The following GNAL variants were observed in gnomAD, a reference collection of about 807,000 sequenced individuals.
GNAL encodes G protein subunit alpha L.
Under a neutral mutation model 55.1 loss-of-function variants are expected in GNAL, and 18 were observed. That is an observed-to-expected ratio of 0.33 (90% CI 0.23 to 0.48). The LOEUF (loss-of-function observed/expected upper bound fraction) is 0.48, where lower values mean the gene tolerates loss of function less well. Among genes scored for constraint, GNAL ranks in the 20% least tolerant of loss-of-function variants. GNAL has a pLI of 0.99. For synonymous variants in GNAL, 253 were observed against 237.0 expected (o/e 1.07, Z -0.62); for missense variants, 412 against 614.1 (o/e 0.67, Z 3.48).
rs1464328514 is a variant in GNAL at position 11,884,112 on chromosome 18, G to A, written c.*2977G>A. ...CACATAATCCCAAGTGTGTGCTGGG[G>A]CCACCAGGCCCTTCCTGGGGGAACA... is the stretch of plus-strand genomic sequence containing the variant. On this transcript the variant is annotated 3_prime_UTR_variant, in exon 12 of 12. Transcript: ENST00000334049. 1 of 242,808 alleles carries A rather than the reference G, an allele frequency of 4.1e-6. No homozygotes were observed. Among genetic ancestry groups the A allele is most frequent in the Non-Finnish European group, 8.2e-6 (1 of 122,610 alleles). 15.0% of individuals were successfully genotyped at this position (242,808 alleles called of 1,614,324 possible). A position where few individuals can be genotyped will look rare whatever the true frequency, so the allele number is the denominator to read the frequency against.
chr18:11,690,380 C>T (rs138982888), intron 1 of GNAL, among the ~76,000 whole-genome samples: 96 of 152,182 alleles, frequency 6.3e-4, no homozygotes, highest in Non-Finnish European at 1.0e-3. Flanking sequence ...TTAGCTTGAC[C>T]GCAAAGCTTT....
At chr18:11,875,956 A>AGG (rs1039386142) in intron 10 of GNAL, among the ~76,000 whole-genome samples, 3 of 151,066 alleles carry the variant, frequency 2.0e-5, no homozygotes, top group Admixed American at 1.3e-4. Context: ...GGAGAGGGTG[A>AGG]GGGGTCTCTC....
intron 1 of GNAL, among the ~76,000 whole-genome samples, chr18:11,709,051 T>C (rs1455866832): frequency 6.6e-6 from 1 of 152,246 alleles, no homozygotes; most frequent in African/African-American, 2.4e-5. Flanking sequence ...CACCATTTGT[T>C]GCAGAAACTA....
intron 4 of GNAL, among the ~76,000 whole-genome samples, chr18:11,771,736 A>T (rs2033641277): frequency 6.8e-6 from 1 of 147,952 alleles, no homozygotes; most frequent in African/African-American, 2.5e-5. Context: ...TTGTTTTGAG[A>T]TGGAGTCGCA....
intron 5 of GNAL, among the ~76,000 whole-genome samples, chr18:11,830,994 A>G (rs1467154182): frequency 6.6e-6 from 1 of 152,196 alleles, no homozygotes; most frequent in Admixed American, 6.5e-5. Context: ...CTTAAGAGTG[A>G]CTGCTAATGG....
In GNAL at chr18:11,774,857, C is replaced by T. The variant is rs1788562561; in HGVS notation, c.624+20912C>T. ...TGATTTTTGTTTGCAGAGTTTAGGT[C>T]GATAGACATTGCGGGTATATTTCTA... On this transcript the variant is annotated intron_variant, in intron 4 of 11. Transcript: ENST00000334049. Among the ~76,000 whole-genome samples, 6 of 152,236 alleles carry T rather than the reference C, an allele frequency of 3.9e-5. No homozygotes were observed. In the South Asian group the frequency reaches 6.2e-4, roughly 16 times the overall value.
Position 11,752,551 on chromosome 18 carries a change from A to G in GNAL, c.377-302A>G. The G allele has an allele frequency of 6.2e-7, 1 of 1,611,584 alleles. No homozygotes were observed. On this transcript the variant is annotated intron_variant, in intron 1 of 11. Transcript: ENST00000334049. This position sits in a 1 kb window ranked among gnomAD's most constrained non-coding sequence, Gnocchi z 4.5. ...GTTGCAGAAAGAGCGCCTGGCTTAC[A>G]AGGCTACCCACCGCCTGCTGCTCCT...
At chr18:11,717,275 C>A (rs892400974) in intron 1 of GNAL, among the ~76,000 whole-genome samples, 1 of 152,244 alleles carries the variant, frequency 6.6e-6, no homozygotes, top group African/African-American at 2.4e-5. Context: ...ACCTCTCCCT[C>A]CCCGCCTCTC....
At chr18:11,829,843 CTACTAAAAA>C (rs952850810) in intron 5 of GNAL, among the ~76,000 whole-genome samples, 7 of 152,096 alleles carry the variant, frequency 4.6e-5, no homozygotes, top group African/African-American at 1.7e-4. Context: ...AACCCCGTCT[CTACTAAAAA>C]TACAAAAATT....
intron 11 of GNAL, among the ~76,000 whole-genome samples, chr18:11,878,366 C>G (rs1368718864): frequency 6.6e-6 from 1 of 152,044 alleles, no homozygotes; most frequent in Non-Finnish European, 1.5e-5. Context: ...TGGGAGGATC[C>G]CTTGAGCCTA....
At chr18:11,864,967 AC>A (rs1372715286) in intron 7 of GNAL, among the ~76,000 whole-genome samples, 2 of 152,170 alleles carry the variant, frequency 1.3e-5, no homozygotes, top group African/African-American at 2.4e-5. Flanking sequence ...GGGTTGCCCA[AC>A]TGCAAACTCA....
intron 5 of GNAL, among the ~76,000 whole-genome samples, chr18:11,831,168 TA>T (rs145360864): frequency 8.7e-5 from 13 of 149,736 alleles, no homozygotes; most frequent in South Asian, 6.3e-4. Flanking sequence ...TATCTTGATT[TA>T]AAAAAAAAAT....
chr18:11,751,797 G>C lies in GNAL; in HGVS notation c.377-1056G>C, dbSNP rs1310904326. 1 of 361,322 alleles carries C rather than the reference G, an allele frequency of 2.8e-6. No individual in the cohort carries two copies. Among genetic ancestry groups the C allele is most frequent in the Non-Finnish European group, 3.9e-6 (1 of 259,290 alleles). 22.4% of individuals were successfully genotyped at this position (361,322 alleles called of 1,614,324 possible). On this transcript the variant is annotated intron_variant, in intron 1 of 11. Coordinates refer to ENST00000334049, the MANE Select transcript of GNAL (RefSeq NM_182978.4). This position sits in a 1 kb window ranked among gnomAD's most constrained non-coding sequence, Gnocchi z 4.5. ...CCTCTCCGAGAGCTCCGGGACCAGC[G>C]GCCCGGCCGCCCCCAAAGCCAGCCT...
intron 4 of GNAL, among the ~76,000 whole-genome samples, chr18:11,800,167 G>C (rs555451115): frequency 1.3e-5 from 2 of 151,776 alleles, no homozygotes; most frequent in South Asian, 4.1e-4. Context: ...CATAGTATAC[G>C]TGATAGATAG....
intron 4 of GNAL, among the ~76,000 whole-genome samples, chr18:11,768,753 G>A (rs1410337522): frequency 4.0e-5 from 6 of 148,758 alleles, no homozygotes; most frequent in African/African-American, 1.5e-4. Context: ...AATTAGCCAG[G>A]CCTGGTGGCA....
intron 1 of GNAL, among the ~76,000 whole-genome samples, chr18:11,737,341 G>A (rs1447143222): frequency 6.6e-6 from 1 of 152,162 alleles, no homozygotes. Flanking sequence ...GCTTTAAATT[G>A]TGTATATTGT....
Position 11,881,417 on chromosome 18 carries a change from C to T in GNAL, c.*282C>T. 2.9e-6 allele frequency: 1 copy of T among 342,978 alleles called. No individual in the cohort carries two copies. Among genetic ancestry groups the T allele is most frequent in the South Asian group, 6.7e-5 (1 of 14,852 alleles). 21.2% of individuals were successfully genotyped at this position (342,978 alleles called of 1,614,324 possible). A position where few individuals can be genotyped will look rare whatever the true frequency, so the allele number is the denominator to read the frequency against. ...GGGTGGGAGCCCCATTATTCATTCTCCCTTTATTGATTCATCGAGGAGAAC... is the reference window on the plus strand; with the variant it reads ...GGGTGGGAGCCCCATTATTCATTCTTCCTTTATTGATTCATCGAGGAGAAC... On this transcript the variant is annotated 3_prime_UTR_variant, in exon 12 of 12. Transcript: ENST00000334049. The surrounding 1 kb of genome is among the most constrained non-coding windows in gnomAD (Gnocchi z 4.8).
At chr18:11,714,425 G>A (rs2031906013) in intron 1 of GNAL, among the ~76,000 whole-genome samples, 1 of 152,196 alleles carries the variant, frequency 6.6e-6, no homozygotes. Context: ...AGGCTTTGCT[G>A]AGCGCTCGCT....
intron 4 of GNAL, among the ~76,000 whole-genome samples, chr18:11,798,496 A>G (rs528963960): frequency 1.3e-5 from 2 of 152,130 alleles, no homozygotes; most frequent in African/African-American, 4.8e-5. Flanking sequence ...CACCCAGCTC[A>G]TTCTCTGAAT....
Sources: allele counts gnomAD v4.1 joint callset (sites outside exome capture counted in the v4.1 genomes callset), GRCh38; gene constraint gnomAD v4.1.1; non-coding constraint Gnocchi (gnomAD v3.1); transcripts MANE v1.5; gene names NCBI Gene and HGNC (gene_info 2026-07-23, HGNC 2026-07-21).